ISL1: variants seen among roughly 807,000 people sequenced by gnomAD.
ISL1 encodes insulin gene enhancer protein ISL-1.
In ISL1, 4 loss-of-function variants were observed where a neutral mutation model predicts 35.3. That is an observed-to-expected ratio of 0.11 (90% CI 0.06 to 0.26). ISL1 has a LOEUF of 0.26. Among genes scored for constraint, ISL1 ranks in the 10% least tolerant of loss-of-function variants. ISL1 has a pLI of 1.00. For missense variants in ISL1, 340 were observed against 472.8 expected (o/e 0.72, Z 2.60); for synonymous variants, 186 against 172.3 (o/e 1.08, Z -0.62).
rs1306434787 is a variant in ISL1, at chr5:51,384,521, T to A, written c.29-20T>A. 28 of 1,609,846 alleles carry A rather than the reference T, an allele frequency of 1.7e-5. No homozygotes were observed. Among genetic ancestry groups the A allele is most frequent in the Non-Finnish European group, 2.4e-5 (28 of 1,176,268 alleles). On this transcript the variant is annotated intron_variant, in intron 1 of 5. Coordinates refer to ENST00000230658, the MANE Select transcript of ISL1 (RefSeq NM_002202.3). ...TAGGAAGTAAACGGTTAGTCAATCA[T>A]GTATTTATTTTCATTTCAGAAAAAC...
intron 3 of ISL1, among the ~76,000 whole-genome samples, chr5:51,388,860 G>C (rs186829893): frequency 6.6e-6 from 1 of 152,040 alleles, no homozygotes; most frequent in Non-Finnish European, 1.5e-5. Flanking sequence ...ATACCGAGAG[G>C]GAGGCGGGGG....
rs906108596 is a variant in ISL1 at position 51,389,390 on chromosome 5, A to T, written c.479-256A>T. Among the ~76,000 whole-genome samples the T allele has an allele frequency of 2.0e-5, 3 of 152,136 alleles. No individual in the cohort carries two copies. Among genetic ancestry groups the T allele is most frequent in the Non-Finnish European group, 4.4e-5 (3 of 68,032 alleles). On this transcript the variant is annotated intron_variant, in intron 3 of 5. Coordinates refer to ENST00000230658, the MANE Select transcript of ISL1 (RefSeq NM_002202.3). This position sits in a 1 kb window ranked among gnomAD's most constrained non-coding sequence, Gnocchi z 5.0. Reference sequence around the variant, plus strand: ...GGCGAGTGCTGCGTTTCAGGCCGGGATTACTCAGCAAAGACCTCTGCAGAT... The same window carrying T: ...GGCGAGTGCTGCGTTTCAGGCCGGGTTTACTCAGCAAAGACCTCTGCAGAT...
intron 4 of ISL1, among the ~76,000 whole-genome samples, chr5:51,390,642 CTTTTTTTTTTTTTTT>C (rs57707586): frequency 8.7e-4 from 35 of 40,248 alleles, no homozygotes; most frequent in East Asian, 2.4e-3. Context: ...CTTTCTTTTT[CTTTTTTTTTTTTTTT>C]TTTTTTTTTT....
intron 4 of ISL1, among the ~76,000 whole-genome samples, chr5:51,390,646 T>A (rs1202527047): frequency 2.1e-4 from 6 of 28,386 alleles, no homozygotes; most frequent in Non-Finnish European, 3.6e-4. Flanking sequence ...CTTTTTCTTT[T>A]TTTTTTTTTT....
At chr5:51,392,253 T>C (rs1747533126) in intron 5 of ISL1, among the ~76,000 whole-genome samples, 1 of 152,212 alleles carries the variant, frequency 6.6e-6, no homozygotes, top group Admixed American at 6.5e-5. Context: ...GGGGTCAAGA[T>C]AAATAAGAAC....
Position 51,393,822 on chromosome 5 carries a change from A to G in ISL1, c.*212A>G. 1.7e-6 allele frequency: 1 copy of G among 603,164 alleles called. No individual in the cohort carries two copies. Among genetic ancestry groups the G allele is most frequent in the Non-Finnish European group, 3.0e-6 (1 of 338,220 alleles). The allele number at this position is 603,164 out of a possible 1,614,324, so 37.4% of individuals were successfully genotyped here. A position where few individuals can be genotyped will look rare whatever the true frequency, so the allele number is the denominator to read the frequency against. On this transcript the variant is annotated 3_prime_UTR_variant, in exon 6 of 6. Coordinates refer to ENST00000230658, the MANE Select transcript of ISL1 (RefSeq NM_002202.3). ...TGGGATTTTACTAGAATTAAACAACAAACAAAACGCAAAACCCAGTATATG... is the reference window on the plus strand; with the variant it reads ...TGGGATTTTACTAGAATTAAACAACGAACAAAACGCAAAACCCAGTATATG...
At position 51,391,372 on chromosome 5, in the gene ISL1, G is replaced by T; in HGVS notation, c.864G>T (p.Gln288His). ...ACCCAGTGGAAGTACAAAGTTACCA[G>T]CCACCTTGGAAAGTACTGAGCGACT... ...QANPVEVQSY[Q>H]PPWKVLSDFA... Residue 288 changes from glutamine (Q) to histidine (H), a missense_variant, in exon 5 of 6, where the codon CAG becomes CAT. Transcript: ENST00000230658. The T allele has an allele frequency of 6.2e-7, 1 of 1,614,216 alleles. No individual in the cohort carries two copies. The highest frequency in any genetic ancestry group is 1.3e-5 in the African/African-American group (1 of 75,062).
At chr5:51,390,653 T>TTTTTG (rs1747488857) in intron 4 of ISL1, among the ~76,000 whole-genome samples, 1 of 112,688 alleles carries the variant, frequency 8.9e-6, no homozygotes, top group African/African-American at 3.1e-5. Context: ...TTTTTTTTTT[T>TTTTTG]TTTTTTTTTT....
intron 2 of ISL1, chr5:51,386,443 T>G (rs566560474): frequency 7.5e-6 from 3 of 397,686 alleles, no homozygotes; most frequent in African/African-American, 6.2e-5. Flanking sequence ...CAGAACAGAC[T>G]GGACAGTTAG....
intron 3 of ISL1, among the ~76,000 whole-genome samples, chr5:51,388,778 G>T (rs1203029273): frequency 1.3e-5 from 2 of 152,156 alleles, no homozygotes; most frequent in East Asian, 3.9e-4. Context: ...TTGCACCGGG[G>T]CACGGCTGGG....
In ISL1 at chr5:51,389,472, C is replaced by T. The variant is rs1028817352; in HGVS notation, c.479-174C>T. 1.4e-4 allele frequency among the ~76,000 whole-genome samples: 21 copies of T among 150,200 alleles called. No individual in the cohort carries two copies. The highest frequency in any genetic ancestry group is 4.9e-4 in the African/African-American group (20 of 41,104). ...CTCTTCGCCCCCACCTCTGCCGCCC[C>T]CTGCTTTGTGTGCTGAGGCTGCAAA... On this transcript the variant is annotated intron_variant, in intron 3 of 5. Coordinates refer to ENST00000230658, the MANE Select transcript of ISL1 (RefSeq NM_002202.3). This position sits in a 1 kb window ranked among gnomAD's most constrained non-coding sequence, Gnocchi z 5.0.
At chr5:51,385,800 A>G (rs1747329663) in intron 2 of ISL1, among the ~76,000 whole-genome samples, 1 of 152,214 alleles carries the variant, frequency 6.6e-6, no homozygotes, top group Non-Finnish European at 1.5e-5. Context: ...GTGGCTATTA[A>G]CAAGTAATTA....
In ISL1 at chr5:51,388,774, C is replaced by A. The variant is rs149840762; in HGVS notation, c.479-872C>A. On this transcript the variant is annotated intron_variant, in intron 3 of 5. Transcript: ENST00000230658. ...AGGGGGATTTGTGACTAGTTTGCACCGGGGCACGGCTGGGGTGGTGCTCCT... is the reference window on the plus strand; with the variant it reads ...AGGGGGATTTGTGACTAGTTTGCACAGGGGCACGGCTGGGGTGGTGCTCCT... Among the ~76,000 whole-genome samples, 388 of 152,268 alleles carry A rather than the reference C, an allele frequency of 2.5e-3. 2 individuals are homozygous for A. Among genetic ancestry groups the A allele is most frequent in the African/African-American group, 7.1e-3 (294 of 41,546 alleles).
rs980679071 is a variant in ISL1 at position 51,383,599 on chromosome 5, G to T, written c.-73G>T. The T allele has an allele frequency of 4.8e-6, 6 of 1,253,916 alleles. No individual in the cohort carries two copies. The African/African-American group carries it at 8.8e-5, about 18-fold the overall frequency. 77.7% of individuals were successfully genotyped at this position (1,253,916 alleles called of 1,614,324 possible). ...TATTTCCCACTTAGCCACAGCTCCA[G>T]CATCCTCTCTGTGGGCTGTTCACCA... On this transcript the variant is annotated 5_prime_UTR_variant, in exon 1 of 6. Transcript: ENST00000230658.
Position 51,389,830 on chromosome 5 carries a change from T to G in ISL1, c.663T>G (p.Ser221Arg). 6.2e-7 allele frequency: 1 copy of G among 1,614,132 alleles called. No homozygotes were observed. Residue 221 changes from serine to arginine, a missense_variant, in exon 4 of 6, where the codon AGT becomes AGG. Ser to Arg is a moderately radical substitution (Grantham distance 110, BLOSUM62 -1). Coordinates refer to ENST00000230658, the MANE Select transcript of ISL1 (RefSeq NM_002202.3). This position sits in a 1 kb window ranked among gnomAD's most constrained non-coding sequence, Gnocchi z 5.0. Reference protein sequence around the residue: ...KEQLVEMTGLSPRVIRVWFQN... With the variant: ...KEQLVEMTGLRPRVIRVWFQN... ...AACTGGTAGAGATGACGGGCCTCAG[T>G]CCCCGTGTGATCCGGGTCTGGTTTC...
chr5:51,390,642 CTTTTTT>C (rs57707586), intron 4 of ISL1, among the ~76,000 whole-genome samples: 140 of 40,118 alleles, frequency 3.5e-3, no homozygotes, highest in African/African-American at 4.2e-3. Flanking sequence ...CTTTCTTTTT[CTTTTTT>C]TTTTTTTTTT....
intron 5 of ISL1, 50 bp from the exon 6 acceptor site, chr5:51,393,444 T>C: frequency 1.0e-6 from 1 of 1,004,664 alleles, no homozygotes; most frequent in Non-Finnish European, 1.6e-6. Flanking sequence ...ATAATCTTTT[T>C]ATGAATACTA....
Position 51,394,461 on chromosome 5 carries a change from C to T in ISL1, c.*851C>T, listed in dbSNP as rs1345444783. The T allele has an allele frequency of 6.8e-6, 1 of 147,968 alleles. No homozygotes were observed. The highest frequency in any genetic ancestry group is 1.5e-5 in the Non-Finnish European group (1 of 66,992). 9.2% of individuals were successfully genotyped at this position (147,968 alleles called of 1,614,324 possible). On this transcript the variant is annotated 3_prime_UTR_variant, in exon 6 of 6. Transcript: ENST00000230658. ...ATAAAAAGGAAAAAAAAAAAGGAAA[C>T]TTTTTTTGTTTGCTCTTGCATTGCA...
chr5:51,389,631 C>T lies in ISL1; in HGVS notation c.479-15C>T, dbSNP rs767731099. On this transcript the variant is annotated splice_polypyrimidine_tract_variant and intron_variant, in intron 3 of 5. Transcript: ENST00000230658. This position sits in a 1 kb window ranked among gnomAD's most constrained non-coding sequence, Gnocchi z 5.0. ...AGCCTCCAGCCCAGCGCTCACGGCG[C>T]TCCTTGCCCCGCAGCGGAGCCCATC... is the stretch of plus-strand genomic sequence containing the variant. 187 of 1,602,180 alleles carry T rather than the reference C, an allele frequency of 1.2e-4. No individual in the cohort carries two copies. In the East Asian group the frequency reaches 3.9e-3, roughly 33 times the overall value.
Sources: gnomAD v4.1 joint callset for allele counts (sites outside exome capture counted in the v4.1 genomes callset) on GRCh38, gnomAD v4.1.1 for gene constraint, Gnocchi (gnomAD v3.1) non-coding constraint, MANE v1.5 for transcripts, NCBI Gene and HGNC (gene_info 2026-07-23, HGNC 2026-07-21) for gene names.